KIF23: variants seen among roughly 807,000 people sequenced by gnomAD.
KIF23 encodes kinesin-like protein KIF23.
Under a neutral mutation model 137.5 loss-of-function variants are expected in KIF23, and 30 were observed. The ratio of observed to expected loss-of-function variants is 0.22; its 90% confidence interval spans 0.16 to 0.30. KIF23 has a LOEUF of 0.30. Among genes scored for constraint, KIF23 ranks in the 10% least tolerant of loss-of-function variants. The pLI is 1.00. For synonymous variants in KIF23, 367 were observed against 391.1 expected, an observed-to-expected ratio of 0.94 and a Z score of 0.73; for missense variants, 920 against 1,194.3, an observed-to-expected ratio of 0.77 and a Z score of 3.38.
intron 11 of KIF23, chr15:69,434,801 C>G (rs976264253): frequency 9.8e-7 from 1 of 1,021,734 alleles, no homozygotes; most frequent in Non-Finnish European, 1.5e-6. Flanking sequence ...GCCCCTTCTT[C>G]TTGCACTCAT....
chr15:69,422,301 T>A (rs2057076426), intron 5 of KIF23, 25 bp from the exon 6 acceptor site: 2 of 1,179,294 alleles, frequency 1.7e-6, no homozygotes, highest in Admixed American at 2.5e-5. Context: ...GTGGTGTGAT[T>A]TTTTTTTTTT....
intron 11 of KIF23, among the ~76,000 whole-genome samples, chr15:69,432,510 T>C (rs1159876703): frequency 1.3e-5 from 2 of 151,978 alleles, no homozygotes; most frequent in Non-Finnish European, 2.9e-5. Context: ...TTGTAGAATG[T>C]CAGCCTTTAG....
At position 69,440,781 on chromosome 15, in the gene KIF23, A is replaced by G. The variant is rs1484352922; in HGVS notation, c.2123A>G (p.Tyr708Cys). The change falls in exon 19 of 24, where the codon TAT becomes TGT. Residue 708 changes from tyrosine to cysteine, a missense_variant. Transcript: ENST00000679126. ...SPSPVPLSSN[Y>C]IAQISNGQQL... ...CAATTTTTCTAGCTTTCTAGTAACTATATTGCTCAGATTTCCAACGGCCAG... is the reference window on the plus strand; with the variant it reads ...CAATTTTTCTAGCTTTCTAGTAACTGTATTGCTCAGATTTCCAACGGCCAG... 2.5e-6 allele frequency: 4 copies of G among 1,608,618 alleles called. No homozygotes were observed. The African/African-American group carries it at 5.3e-5, about 22-fold the overall frequency.
chr15:69,435,663 T>C lies in KIF23; in HGVS notation c.1206T>C (p.Tyr402=). The C allele has an allele frequency of 6.2e-7, 1 of 1,613,924 alleles. No individual in the cohort carries two copies. The highest frequency in any genetic ancestry group is 8.5e-7 in the Non-Finnish European group (1 of 1,179,982). Residue 402 remains tyrosine, a synonymous_variant, in exon 13 of 24, where the codon TAT becomes TAC. Transcript: ENST00000679126. The stretch of plus-strand genomic sequence containing the variant: ...GAATGTCTTTGTAGATGGTTCCATA[T>C]CGAGATTCAAAGTTAACCCATCTGT... The part of the protein sequence containing the change: ...QMYGTNKMVP[Y]RDSKLTHLFK...
chr15:69,421,943 A>T, intron 4 of KIF23, 49 bp from the exon 5 acceptor site: 1 of 1,596,882 alleles, frequency 6.3e-7, no homozygotes, highest in Non-Finnish European at 8.5e-7. Flanking sequence ...GAAATACTCT[A>T]AGTGGAGAAC....
intron 3 of KIF23, among the ~76,000 whole-genome samples, chr15:69,420,761 C>T (rs1290467699): frequency 2.0e-5 from 3 of 151,998 alleles, no homozygotes; most frequent in Non-Finnish European, 2.9e-5. Context: ...GACCACAGCT[C>T]ACTGTTTTTT....
chr15:69,440,603 TA>T (rs1266340070), intron 18 of KIF23, 116 bp downstream of exon 18: 3 of 1,183,454 alleles, frequency 2.5e-6, no homozygotes, highest in Non-Finnish European at 3.4e-6. Flanking sequence ...GAAATTTCTC[TA>T]AAAATATTTT....
intron 7 of KIF23, among the ~76,000 whole-genome samples, chr15:69,424,112 A>G (rs1180461811): frequency 6.6e-6 from 1 of 152,202 alleles, no homozygotes. Context: ...GGATTTAGAA[A>G]ATCATTAGAC....
At chr15:69,418,954 T>G (rs775073400) in intron 3 of KIF23, among the ~76,000 whole-genome samples, 1 of 152,050 alleles carries the variant, frequency 6.6e-6, no homozygotes, top group African/African-American at 2.4e-5. Context: ...CTGTCTCTAC[T>G]AAAAATACAA....
chr15:69,419,293 G>A (rs1022582935), intron 3 of KIF23, among the ~76,000 whole-genome samples: 1 of 1,160 alleles, frequency 8.6e-4, no homozygotes, highest in Non-Finnish European at 0.014. Context: ...CATTTCTACA[G>A]AGCAGACAGT....
At chr15:69,447,523 A>T (rs2057766954) in intron 23 of KIF23, among the ~76,000 whole-genome samples, 1 of 152,202 alleles carries the variant, frequency 6.6e-6, no homozygotes, top group South Asian at 2.1e-4. Flanking sequence ...ATATATGTAT[A>T]TAAAATGTTA....
At chr15:69,423,855 T>G (rs1356130279) in intron 7 of KIF23, among the ~76,000 whole-genome samples, 1 of 152,190 alleles carries the variant, frequency 6.6e-6, no homozygotes, top group Admixed American at 6.5e-5. Context: ...GGTCTTGCCT[T>G]TCTGAGACGT....
At chr15:69,423,108 TACTTTTAAAATGG>T in intron 6 of KIF23, 38 bp from the exon 7 acceptor site, 1 of 1,252,274 alleles carries the variant, frequency 8.0e-7, no homozygotes, top group Admixed American at 2.1e-5. Context: ...TGGGATCATT[TACTTTTAAAATGG>T]ACTTATAACG....
chr15:69,447,687 C>A, intron 23 of KIF23, 105 bp from the exon 24 acceptor site: 1 of 1,003,200 alleles, frequency 1.0e-6, no homozygotes. Flanking sequence ...CTTGAATTAT[C>A]TCATCATAAA....
At chr15:69,415,074 C>T (rs761631820) in intron 1 of KIF23, 2 of 152,240 alleles carry the variant, frequency 1.3e-5, no homozygotes, top group Non-Finnish European at 2.9e-5. Context: ...CGCCCACATT[C>T]CTAAGCTAAT....
In KIF23 at chr15:69,416,125, G is replaced by T. The variant is rs1295974350; in HGVS notation, c.81+62G>T. 4 of 1,073,880 alleles carry T rather than the reference G, an allele frequency of 3.7e-6. No individual in the cohort carries two copies. In the East Asian group the frequency reaches 1.0e-4, roughly 28 times the overall value. The allele number at this position is 1,073,880 out of a possible 1,614,324, so 66.5% of individuals were successfully genotyped here. Reference sequence around the variant, plus strand: ...GAAACTTATCTCTTCAGTCCTTTCTGTCTTATGTGTATGCTTGGAAGGGAA... The same window carrying T: ...GAAACTTATCTCTTCAGTCCTTTCTTTCTTATGTGTATGCTTGGAAGGGAA... On this transcript the variant is annotated intron_variant, in intron 2 of 23. Transcript: ENST00000679126.
Position 69,443,293 on chromosome 15 carries a change from C to CTTTTTCCA in KIF23, c.2422-1493_2422-1486dup, listed in dbSNP as rs372244565. 3.8e-3 allele frequency among the ~76,000 whole-genome samples: 489 copies of CTTTTTCCA among 128,440 alleles called. 3 individuals carry two copies. Among genetic ancestry groups the CTTTTTCCA allele is most frequent in the African/African-American group, 0.013 (457 of 35,386 alleles). The allele number at this position is 128,440 out of a possible 152,430, so 84.3% of individuals were successfully genotyped here. A position where few individuals can be genotyped will look rare whatever the true frequency, so the allele number is the denominator to read the frequency against. On this transcript the variant is annotated intron_variant, in intron 19 of 23. Transcript: ENST00000679126. The stretch of plus-strand genomic sequence containing the variant: ...TTTGACAGATTTGGCCTGTGATAGA[C>CTTTTTCCA]TTTTTCCATTTGCTTTCAGTTTTGT...
intron 11 of KIF23, among the ~76,000 whole-genome samples, chr15:69,430,503 G>A (rs1364550703): frequency 2.0e-5 from 3 of 152,214 alleles, no homozygotes; most frequent in Non-Finnish European, 2.9e-5. Flanking sequence ...AGTATGATGG[G>A]AGTGCAGGGT....
At chr15:69,441,486 AT>A (rs946689792) in intron 19 of KIF23, among the ~76,000 whole-genome samples, 48 of 152,274 alleles carry the variant, frequency 3.2e-4, no homozygotes, top group African/African-American at 1.1e-3. Context: ...GTTTTCCCAA[AT>A]TTTTATTTTG....
Sources: allele counts gnomAD v4.1 joint callset (sites outside exome capture counted in the v4.1 genomes callset), GRCh38; gene constraint gnomAD v4.1.1; transcripts MANE v1.5; gene names NCBI Gene and HGNC (gene_info 2026-07-23, HGNC 2026-07-21).